SP3: variants seen among roughly 807,000 people sequenced by gnomAD.
The protein encoded by SP3 is Sp3 transcription factor, also known as transcription factor Sp3.
A neutral mutation model predicts 70.3 loss-of-function variants in SP3; 10 were observed. The ratio of observed to expected loss-of-function variants is 0.14; its 90% CI spans 0.09 to 0.24. The LOEUF (loss-of-function observed/expected upper bound fraction) is 0.24. Ranked by LOEUF, SP3 falls within the 10% of genes least tolerant of loss-of-function variation. SP3 has a pLI of 1.00. For synonymous variants in SP3, 402 were observed against 333.5 expected (o/e 1.21, Z -2.24); for missense variants, 825 against 914.6 (o/e 0.90, Z 1.26).
chr2:173,952,524 A>G (rs1690738819), intron 4 of SP3, among the ~76,000 whole-genome samples: 1 of 152,162 alleles, frequency 6.6e-6, no homozygotes, highest in Admixed American at 6.5e-5. Context: ...AACCGGTTAA[A>G]CCCAATTGCC....
At chr2:173,931,146 G>A (rs1690053780) in intron 4 of SP3, among the ~76,000 whole-genome samples, 1 of 152,144 alleles carries the variant, frequency 6.6e-6, no homozygotes, top group African/African-American at 2.4e-5. Flanking sequence ...GCTAAAAAAT[G>A]CTAACAATCA....
intron 3 of SP3, chr2:173,962,827 G>A (rs546675946): frequency 6.6e-6 from 1 of 152,220 alleles, no homozygotes; most frequent in South Asian, 2.1e-4. Context: ...CTACACAACA[G>A]TGATGACCCA....
chr2:173,947,382 G>T (rs1478240825), intron 4 of SP3, among the ~76,000 whole-genome samples: 1 of 151,760 alleles, frequency 6.6e-6, no homozygotes, highest in Non-Finnish European at 1.5e-5. Flanking sequence ...CATTCTAAAG[G>T]TTGTCTTTTT....
chr2:173,947,358 C>T (rs1690575530), intron 4 of SP3, among the ~76,000 whole-genome samples: 1 of 152,062 alleles, frequency 6.6e-6, no homozygotes, highest in Non-Finnish European at 1.5e-5. Flanking sequence ...AAGCATATTA[C>T]TATTTGCTCA....
rs3045255 is a variant in SP3, at chr2:173,946,885, CTT to C, written c.1639+7986_1639+7987del. On this transcript the variant is annotated intron_variant, in intron 4 of 6. Transcript: ENST00000310015. The stretch of plus-strand genomic sequence containing the variant: ...TACAGGTGTGTACCACCACGCCTGG[CTT>C]TTTTTTTTTAAGGTAGACGGAGGGT... 2.0e-5 allele frequency among the ~76,000 whole-genome samples: 3 copies of C among 146,718 alleles called. No individual in the cohort carries two copies. The East Asian group carries it at 6.0e-4, about 29-fold the overall frequency.
At position 173,903,232 on chromosome 2, in the gene SP3, T is replaced by C. The variant is rs1045360542; in HGVS notation, c.*6709A>G. On this transcript the variant is annotated 3_prime_UTR_variant, in exon 7 of 7. Coordinates refer to ENST00000310015, the MANE Select transcript of SP3 (RefSeq NM_003111.5). ...ATAATATAATATGTGCCAGGCATTA[T>C]GGAAAGTGGTTTACATGCATTAACT... Among the ~76,000 whole-genome samples, 1 of 152,214 alleles carries C rather than the reference T, an allele frequency of 6.6e-6. No individual in the cohort carries two copies. The highest frequency in any genetic ancestry group is 1.5e-5 in the Non-Finnish European group (1 of 68,042).
rs1689282009 is a variant in SP3 at position 173,905,288 on chromosome 2, T to C, written c.*4653A>G. On this transcript the variant is annotated 3_prime_UTR_variant, in exon 7 of 7. Coordinates refer to ENST00000310015, the MANE Select transcript of SP3 (RefSeq NM_003111.5). ...GGGGAGGAAGGCATTGGAAGGAGGT[T>C]ACCATTTGAATCTCTACCGTTAAGT... Among the ~76,000 whole-genome samples the C allele has an allele frequency of 1.3e-5, 2 of 152,220 alleles. No homozygotes were observed. Among genetic ancestry groups the C allele is most frequent in the South Asian group, 4.1e-4 (2 of 4,828 alleles).
At chr2:173,924,318 A>G (rs545255271) in intron 4 of SP3, among the ~76,000 whole-genome samples, 60 of 152,346 alleles carry the variant, frequency 3.9e-4, no homozygotes, top group Middle Eastern at 3.4e-3. Context: ...TGATTTTCTA[A>G]TATGTATTAC....
At chr2:173,946,816 G>A (rs1690554991) in intron 4 of SP3, among the ~76,000 whole-genome samples, 1 of 150,440 alleles carries the variant, frequency 6.6e-6, no homozygotes, top group African/African-American at 2.4e-5. Context: ...CAACCTGCCA[G>A]GCTCAAGCAA....
In SP3 at chr2:173,953,779, C is replaced by CA. The variant is rs571748179; in HGVS notation, c.1639+1093dup. ...CGAGACTCCATCTCAAAAAACAAAACAAAACAAAAAAAAAAACAACTACTG... is the reference window on the plus strand; with the variant it reads ...CGAGACTCCATCTCAAAAAACAAAACAAAAACAAAAAAAAAAACAACTACTG... On this transcript the variant is annotated intron_variant, in intron 4 of 6. Coordinates refer to ENST00000310015, the MANE Select transcript of SP3 (RefSeq NM_003111.5). Among the ~76,000 whole-genome samples, 955 of 108,634 alleles carry CA rather than the reference C, an allele frequency of 8.8e-3. 18 individuals carry two copies. The highest frequency in any genetic ancestry group is 0.062 in the East Asian group (188 of 3,024). The allele number at this position is 108,634 out of a possible 152,430, so 71.3% of individuals were successfully genotyped here. A position where few individuals can be genotyped will look rare whatever the true frequency, so the allele number is the denominator to read the frequency against.
chr2:173,913,428 T>A (rs547560642), intron 5 of SP3, 162 bp from the exon 6 acceptor site: 51 of 473,268 alleles, frequency 1.1e-4, no homozygotes, highest in African/African-American at 6.0e-4. Flanking sequence ...AATGAAAATT[T>A]ATGTATTTCA....
At chr2:173,935,810 G>C (rs1690192350) in intron 4 of SP3, among the ~76,000 whole-genome samples, 1 of 151,020 alleles carries the variant, frequency 6.6e-6, no homozygotes, top group South Asian at 2.2e-4. Context: ...GGAGTCCCCA[G>C]ATCAGTTTTC....
chr2:173,902,780 A>G lies in SP3; in HGVS notation c.*7161T>C, dbSNP rs541264096. ...ACAATCCTAGGTATGCATACATATAATAAGGATATAAAACCACTCATGGTA... is the reference window on the plus strand; with the variant it reads ...ACAATCCTAGGTATGCATACATATAGTAAGGATATAAAACCACTCATGGTA... On this transcript the variant is annotated 3_prime_UTR_variant, in exon 7 of 7. Transcript: ENST00000310015. Among the ~76,000 whole-genome samples the G allele has an allele frequency of 6.6e-5, 10 of 152,194 alleles. No homozygotes were observed. The highest frequency in any genetic ancestry group is 1.5e-4 in the Non-Finnish European group (10 of 68,020).
intron 4 of SP3, among the ~76,000 whole-genome samples, chr2:173,939,444 G>A (rs1690297706): frequency 6.6e-6 from 1 of 152,150 alleles, no homozygotes; most frequent in Admixed American, 6.5e-5. Context: ...ATCTACTGCA[G>A]CATTTTTGAA....
chr2:173,958,041 T>C (rs1690949517), intron 3 of SP3, among the ~76,000 whole-genome samples: 1 of 151,556 alleles, frequency 6.6e-6, no homozygotes, highest in South Asian at 2.1e-4. Context: ...TAAATCTATA[T>C]ACTAAAATCT....
At chr2:173,962,410 T>C (rs1471188140) in intron 3 of SP3, among the ~76,000 whole-genome samples, 2 of 152,212 alleles carry the variant, frequency 1.3e-5, no homozygotes, top group Non-Finnish European at 2.9e-5. Flanking sequence ...ACTTTGGAAC[T>C]AGAGGGATAC....
chr2:173,956,007 G>T lies in SP3; in HGVS notation c.505C>A (p.Gln169Lys). ...DSSNGTVSSV[Q>K]YQVIPQIQSA... Reference sequence around the variant, plus strand: ...TGGATCTGTGGTATCACTTGATATTGAACACTGGACACTGTACCATTTGAT... The same window carrying T: ...TGGATCTGTGGTATCACTTGATATTTAACACTGGACACTGTACCATTTGAT... Residue 169 changes from glutamine (Q) to lysine (K), a missense_variant, in exon 4 of 7, where the codon CAA (glutamine) becomes AAA (lysine). Physicochemically the swap from Gln to Lys is moderately conservative, Grantham distance 53 (BLOSUM62 1). Coordinates refer to ENST00000310015, the MANE Select transcript of SP3 (RefSeq NM_003111.5). 1 of 1,614,148 alleles carries T rather than the reference G, an allele frequency of 6.2e-7. No individual in the cohort carries two copies. The highest frequency in any genetic ancestry group is 1.1e-5 in the South Asian group (1 of 91,054).
At chr2:173,920,166 A>G (rs1689713336) in intron 4 of SP3, among the ~76,000 whole-genome samples, 1 of 152,162 alleles carries the variant, frequency 6.6e-6, no homozygotes, top group Non-Finnish European at 1.5e-5. Context: ...ATTTTCATTT[A>G]TATAAGATTC....
rs1689365333 is a variant in SP3, at chr2:173,907,510, T to G, written c.*2431A>C. 1 of 152,072 alleles carries G rather than the reference T, an allele frequency of 6.6e-6. No individual in the cohort carries two copies. The highest frequency in any genetic ancestry group is 1.9e-4 in the East Asian group (1 of 5,198). 9.4% of individuals were successfully genotyped at this position (152,072 alleles called of 1,614,324 possible). On this transcript the variant is annotated 3_prime_UTR_variant, in exon 7 of 7. Coordinates refer to ENST00000310015, the MANE Select transcript of SP3 (RefSeq NM_003111.5). ...GGGGGCACTAAAAAAATCTACAACT[T>G]TATTTAAATAATTTTCAAGACTACT... is the stretch of plus-strand genomic sequence containing the variant.
Sources: allele counts gnomAD v4.1 joint callset (sites outside exome capture counted in the v4.1 genomes callset), GRCh38; gene constraint gnomAD v4.1.1; transcripts MANE v1.5; gene names NCBI Gene and HGNC (gene_info 2026-07-23, HGNC 2026-07-21).